The following FUT8 variants were observed in gnomAD, a reference collection of about 807,000 sequenced individuals.
FUT8 encodes the protein alpha-(1,6)-fucosyltransferase.
A neutral mutation model predicts 71.3 loss-of-function variants in FUT8; 29 were observed. The observed-to-expected ratio is 0.41, with a 90% CI of 0.30 to 0.55. FUT8 has a LOEUF of 0.55. FUT8 is among the 20% of genes least tolerant of loss of function. The pLI is 0.34. For synonymous variants in FUT8, 254 were observed against 239.3 expected (o/e 1.06, Z -0.57); for missense variants, 544 against 702.1 (o/e 0.77, Z 2.55).
intron 2 of FUT8, among the ~76,000 whole-genome samples, chr14:65,538,348 G>C (rs951859247): frequency 6.6e-5 from 10 of 152,182 alleles, no homozygotes. Context: ...ATGAGCCTTA[G>C]TGTGTGGTAG....
chr14:65,669,104 C>G lies in FUT8; in HGVS notation c.598-139C>G, dbSNP rs1383332248. The stretch of plus-strand genomic sequence containing the variant: ...CTATGCTGATTACTTGGGGTGTATA[C>G]CAAACCCCACGACACACAATTTATC... On this transcript the variant is annotated intron_variant, in intron 6 of 10. Transcript: ENST00000673929. This position sits in a 1 kb window ranked among gnomAD's most constrained non-coding sequence, Gnocchi z 4.5. The G allele has an allele frequency of 3.1e-6, 2 of 642,692 alleles. No individual in the cohort carries two copies. The highest frequency in any genetic ancestry group is 5.3e-6 in the Non-Finnish European group (2 of 376,250). 39.8% of individuals were successfully genotyped at this position (642,692 alleles called of 1,614,324 possible).
chr14:65,668,144 A>G (rs1265218449), intron 6 of FUT8, among the ~76,000 whole-genome samples: 1 of 152,182 alleles, frequency 6.6e-6, no homozygotes, highest in African/African-American at 2.4e-5. Context: ...AGGGAATACC[A>G]TTGTGGATAT....
intron 2 of FUT8, among the ~76,000 whole-genome samples, chr14:65,494,824 C>T (rs879743763): frequency 1.3e-4 from 20 of 151,758 alleles, no homozygotes; most frequent in South Asian, 2.1e-4. Context: ...ATTCAGGAGA[C>T]GGAAGAGAAA....
the FUT8 span, among the ~76,000 whole-genome samples, chr14:65,371,129 T>C: frequency 6.6e-6 from 1 of 152,194 alleles, no homozygotes; most frequent in East Asian, 1.9e-4. Flanking sequence ...AGAGAGCTTT[T>C]TTCCATTTCT....
chr14:65,673,009 C>T (rs1892542950), intron 7 of FUT8, among the ~76,000 whole-genome samples: 1 of 152,064 alleles, frequency 6.6e-6, no homozygotes. Flanking sequence ...TTCCCACTGT[C>T]TTAATAAATA....
At chr14:65,510,045 ATT>A (rs1183603566) in intron 2 of FUT8, among the ~76,000 whole-genome samples, 7 of 152,058 alleles carry the variant, frequency 4.6e-5, no homozygotes, top group African/African-American at 1.7e-4. Flanking sequence ...GTTTTTCCCC[ATT>A]CAGTGTGATA....
At chr14:65,685,771 G>T (rs1465518423) in intron 7 of FUT8, among the ~76,000 whole-genome samples, 3 of 152,156 alleles carry the variant, frequency 2.0e-5, no homozygotes, top group Non-Finnish European at 4.4e-5. Context: ...TGTTGCCATG[G>T]CATTTGTAAA....
chr14:65,451,616 A>G (rs1477091204), intron 1 of FUT8, among the ~76,000 whole-genome samples: 1 of 152,244 alleles, frequency 6.6e-6, no homozygotes, highest in African/African-American at 2.4e-5. Flanking sequence ...CGCCCAGGAA[A>G]AATGAGGTTA....
upstream of FUT8, chr14:65,410,993 A>C (rs2065118202): frequency 6.6e-6 from 1 of 152,194 alleles, no homozygotes; most frequent in Non-Finnish European, 1.5e-5. Context: ...CCCACCTCTG[A>C]CTTCTAAAAA....
intron 2 of FUT8, among the ~76,000 whole-genome samples, chr14:65,470,170 A>G (rs1444964475): frequency 6.6e-6 from 1 of 152,216 alleles, no homozygotes; most frequent in African/African-American, 2.4e-5. Flanking sequence ...GATGATATCC[A>G]GGCTTGGCTC....
intron 2 of FUT8, among the ~76,000 whole-genome samples, chr14:65,526,454 GTC>G (rs781126423): frequency 9.7e-4 from 148 of 152,260 alleles, no homozygotes; most frequent in Admixed American, 2.9e-3. Flanking sequence ...GCCTACGTGT[GTC>G]TCTTCATGTG....
chr14:65,446,678 C>CTTTTTT (rs11378151), intron 1 of FUT8, among the ~76,000 whole-genome samples: 3 of 134,260 alleles, frequency 2.2e-5, no homozygotes, highest in East Asian at 2.2e-4. Flanking sequence ...TGTTTTAGGG[C>CTTTTTT]TTTTTTTTTT....
the FUT8 span, among the ~76,000 whole-genome samples, chr14:65,392,266 G>A: frequency 6.6e-6 from 1 of 152,186 alleles, no homozygotes; most frequent in Non-Finnish European, 1.5e-5. Flanking sequence ...TACTCCTCTG[G>A]CAAGCTAACT....
chr14:65,666,177 A>G (rs548376521), intron 6 of FUT8, among the ~76,000 whole-genome samples: 50 of 152,308 alleles, frequency 3.3e-4, no homozygotes, highest in Non-Finnish European at 2.9e-5. Flanking sequence ...GTTCTTCTCA[A>G]GTAAGCTTCT....
intron 2 of FUT8, among the ~76,000 whole-genome samples, chr14:65,471,921 A>C (rs931444901): frequency 6.6e-6 from 1 of 152,038 alleles, no homozygotes; most frequent in Non-Finnish European, 1.5e-5. Context: ...TAAGAATTTT[A>C]TCTCTTTCTG....
At chr14:65,536,010 A>G (rs1482615226) in intron 2 of FUT8, among the ~76,000 whole-genome samples, 1 of 152,164 alleles carries the variant, frequency 6.6e-6, no homozygotes, top group African/African-American at 2.4e-5. Flanking sequence ...TTCTTGTTGA[A>G]TTAAACCTTT....
intron 2 of FUT8, among the ~76,000 whole-genome samples, chr14:65,538,572 G>A (rs553837714): frequency 6.6e-6 from 1 of 152,234 alleles, no homozygotes; most frequent in Non-Finnish European, 1.5e-5. Context: ...TCTGGCTGGA[G>A]TGAGACAAAG....
At chr14:65,680,718 A>G (rs1026138210) in intron 7 of FUT8, among the ~76,000 whole-genome samples, 18 of 152,148 alleles carry the variant, frequency 1.2e-4, no homozygotes, top group Admixed American at 5.2e-4. Flanking sequence ...TTATTTCAGT[A>G]TCTCCTCTGC....
At chr14:65,566,387 A>G (rs1231030728) in intron 3 of FUT8, among the ~76,000 whole-genome samples, 3 of 152,034 alleles carry the variant, frequency 2.0e-5, no homozygotes, top group African/African-American at 7.2e-5. Context: ...ACTACAAAGA[A>G]TGTGTAACCG....
Sources: gnomAD v4.1 joint callset for allele counts (sites outside exome capture counted in the v4.1 genomes callset) on GRCh38, gnomAD v4.1.1 for gene constraint, Gnocchi (gnomAD v3.1) non-coding constraint, MANE v1.5 for transcripts, NCBI Gene and HGNC (gene_info 2026-07-23, HGNC 2026-07-21) for gene names.